DTNB: variants seen among roughly 807,000 people sequenced by gnomAD.
DTNB encodes the protein dystrobrevin beta.
Under a neutral mutation model 90.7 loss-of-function variants are expected in DTNB, and 63 were observed. The ratio of observed to expected loss-of-function variants is 0.69; its 90% CI spans 0.57 to 0.86. The LOEUF (loss-of-function observed/expected upper bound fraction) is 0.86, where lower values mean the gene tolerates loss of function less well. Among genes scored for constraint, DTNB ranks in the 40% least tolerant of loss-of-function variants. The pLI, the probability that DTNB is intolerant of heterozygous loss-of-function variation, is 0.00. For missense variants in DTNB, 744 were observed against 807.1 expected (o/e 0.92, Z 0.95); for synonymous variants, 277 against 286.7 (o/e 0.97, Z 0.34).
At chr2:25,585,851 A>G (rs2062301599) in intron 6 of DTNB, among the ~76,000 whole-genome samples, 1 of 152,236 alleles carries the variant, frequency 6.6e-6, no homozygotes, top group Non-Finnish European at 1.5e-5. Context: ...CATTAATCAG[A>G]GTTACAGAGT....
intron 11 of DTNB, among the ~76,000 whole-genome samples, chr2:25,453,597 C>A (rs1363335817): frequency 6.6e-6 from 1 of 152,200 alleles, no homozygotes; most frequent in African/African-American, 2.4e-5. Context: ...AGGTAACAGT[C>A]TCTTGTCAAA....
intron 12 of DTNB, among the ~76,000 whole-genome samples, chr2:25,438,369 T>A (rs2056522029): frequency 6.6e-6 from 1 of 152,192 alleles, no homozygotes; most frequent in Non-Finnish European, 1.5e-5. Flanking sequence ...GAATTTTTGT[T>A]GGGCCACATT....
At chr2:25,568,706 A>T (rs1028744851) in intron 8 of DTNB, among the ~76,000 whole-genome samples, 1 of 152,180 alleles carries the variant, frequency 6.6e-6, no homozygotes, top group Non-Finnish European at 1.5e-5. Flanking sequence ...TGTGGGACAG[A>T]GTGTAATTTC....
At chr2:25,603,858 A>C (rs975190332) in intron 5 of DTNB, among the ~76,000 whole-genome samples, 7 of 152,236 alleles carry the variant, frequency 4.6e-5, no homozygotes, top group Non-Finnish European at 7.3e-5. Context: ...GTTACAATAC[A>C]GTGTTACTTC....
intron 10 of DTNB, among the ~76,000 whole-genome samples, chr2:25,474,581 C>T (rs1406199417): frequency 1.3e-5 from 2 of 152,130 alleles, no homozygotes; most frequent in Non-Finnish European, 2.9e-5. Flanking sequence ...TTTTGTCATT[C>T]TGCTATATTC....
chr2:25,634,124 CT>C (rs1254309216), intron 3 of DTNB, among the ~76,000 whole-genome samples: 2 of 150,540 alleles, frequency 1.3e-5, no homozygotes, highest in Admixed American at 6.6e-5. Flanking sequence ...AGTCAGCCCC[CT>C]GCCCGGCCAG....
chr2:25,662,048 C>T (rs1470145891), intron 1 of DTNB, among the ~76,000 whole-genome samples: 3 of 151,566 alleles, frequency 2.0e-5, no homozygotes, highest in South Asian at 4.2e-4. Flanking sequence ...CCCAGCTACT[C>T]GGGAGGCTGA....
intron 1 of DTNB, among the ~76,000 whole-genome samples, chr2:25,669,676 C>T (rs777965623): frequency 3.6e-4 from 55 of 152,164 alleles, no homozygotes; most frequent in Non-Finnish European, 6.8e-4. Context: ...TAAAAGGACA[C>T]GTGCGCTGTG....
At chr2:25,404,803 C>T (rs907011764) in intron 16 of DTNB, among the ~76,000 whole-genome samples, 3 of 151,986 alleles carry the variant, frequency 2.0e-5, no homozygotes, top group Non-Finnish European at 4.4e-5. Flanking sequence ...TGCAGTGAGC[C>T]GAGATCGTGC....
Position 25,580,819 on chromosome 2 carries a change from A to G in DTNB, c.611T>C (p.Ile204Thr). The G allele has an allele frequency of 1.2e-6, 2 of 1,611,930 alleles. No individual in the cohort carries two copies. Among genetic ancestry groups the G allele is most frequent in the Non-Finnish European group, 1.7e-6 (2 of 1,178,752 alleles). ...TGTGTCTAAAAACATATTTAGCATT[A>G]TCTTTCTCTGTAAAGAGAAGAAAAA... The part of the protein sequence containing the change: ...VRTCFPQQRK[I>T]MLNMFLDTMM... Residue 204 changes from isoleucine to threonine, a missense_variant, in exon 7 of 21, where the codon ATA becomes ACA. Ile to Thr is a moderately conservative substitution (Grantham distance 89). Coordinates refer to ENST00000406818, the MANE Select transcript of DTNB (RefSeq NM_021907.5).
chr2:25,496,445 C>T (rs1442348091), intron 9 of DTNB, among the ~76,000 whole-genome samples: 2 of 152,094 alleles, frequency 1.3e-5, no homozygotes, highest in East Asian at 1.9e-4. Context: ...AGTCATTTCC[C>T]GACCTGTTCA....
At chr2:25,386,246 C>G (rs908120339) in intron 18 of DTNB, 7 of 339,408 alleles carry the variant, frequency 2.1e-5, no homozygotes, top group Non-Finnish European at 2.9e-5. Flanking sequence ...GAGCTGGGGG[C>G]TCTGTCCAGT....
intron 9 of DTNB, among the ~76,000 whole-genome samples, chr2:25,494,854 T>C (rs1000932159): frequency 1.3e-5 from 2 of 150,480 alleles, no homozygotes; most frequent in Non-Finnish European, 2.9e-5. Context: ...TCCCGGAACA[T>C]CACAGTTAGC....
chr2:25,413,838 C>T (rs1442534830), intron 16 of DTNB, among the ~76,000 whole-genome samples: 1 of 152,170 alleles, frequency 6.6e-6, no homozygotes, highest in Non-Finnish European at 1.5e-5. Context: ...AGTTATAGAT[C>T]CTTGAGGAAT....
chr2:25,543,868 G>A (rs1312362966), intron 8 of DTNB, among the ~76,000 whole-genome samples: 1 of 152,084 alleles, frequency 6.6e-6, no homozygotes, highest in African/African-American at 2.4e-5. Context: ...CTTACTGTCA[G>A]GGACTTAATG....
At chr2:25,418,604 C>T (rs2048543874) in intron 16 of DTNB, among the ~76,000 whole-genome samples, 1 of 150,968 alleles carries the variant, frequency 6.6e-6, no homozygotes, top group Non-Finnish European at 1.5e-5. Flanking sequence ...GAGGCTGAGG[C>T]AGGAGAATTA....
At chr2:25,420,143 T>C (rs2049044933) in intron 15 of DTNB, among the ~76,000 whole-genome samples, 1 of 152,092 alleles carries the variant, frequency 6.6e-6, no homozygotes, top group Non-Finnish European at 1.5e-5. Context: ...TGAGACCCAC[T>C]GCCCTCATCA....
Position 25,586,553 on chromosome 2 carries a change from C to A in DTNB, c.604-5727G>T, listed in dbSNP as rs141541098. Among the ~76,000 whole-genome samples the A allele has an allele frequency of 1.3e-3, 202 of 150,996 alleles. 1 individual carries two copies. The highest frequency in any genetic ancestry group is 4.7e-3 in the African/African-American group (195 of 41,154). ...AAGTTTAAAAAATCATTCAATTAAT[C>A]CAGGAAATAGTATCGATCGTTTTCC... On this transcript the variant is annotated intron_variant, in intron 6 of 20. Transcript: ENST00000406818.
chr2:25,496,386 C>T (rs2068848764), intron 9 of DTNB, among the ~76,000 whole-genome samples: 2 of 152,084 alleles, frequency 1.3e-5, no homozygotes, highest in African/African-American at 4.8e-5. Flanking sequence ...ATCTTAAATG[C>T]TTTAACAAGT....
Sources: gnomAD v4.1 joint callset for allele counts (sites outside exome capture counted in the v4.1 genomes callset) on GRCh38, gnomAD v4.1.1 for gene constraint, MANE v1.5 for transcripts, NCBI Gene and HGNC (gene_info 2026-07-23, HGNC 2026-07-21) for gene names.